The following CAMTA1 variants were observed in gnomAD, a reference collection of about 807,000 sequenced individuals.
The protein encoded by CAMTA1 is calmodulin-binding transcription activator 1.
In CAMTA1, 27 loss-of-function variants were observed where a neutral mutation model predicts 170.9. That is an observed-to-expected ratio of 0.16 (90% CI 0.12 to 0.22). The LOEUF is 0.22. Ranked by LOEUF, CAMTA1 falls within the 10% of genes least tolerant of loss-of-function variation. CAMTA1 has a pLI of 1.00. For missense variants in CAMTA1, 1,619 were observed against 2,217.2 expected (o/e 0.73, Z 5.42); for synonymous variants, 833 against 891.5 (o/e 0.93, Z 1.17).
chr1:6,840,301 G>A (rs1351367859), intron 3 of CAMTA1, among the ~76,000 whole-genome samples: 7 of 152,192 alleles, frequency 4.6e-5, no homozygotes, highest in Admixed American at 3.9e-4. Context: ...TATGTTCAAA[G>A]GCTTTCTTGG....
chr1:7,634,588 G>C lies in CAMTA1; in HGVS notation c.511-5812G>C, dbSNP rs1416095408. On this transcript the variant is annotated intron_variant, in intron 6 of 22. Transcript: ENST00000303635. The surrounding 1 kb of genome is among the most constrained non-coding windows in gnomAD (Gnocchi z 6.2). The stretch of plus-strand genomic sequence containing the variant: ...CTAAGGAGGGAGAGAGGGAAAGAGG[G>C]AGAAAGAGAGCGAGAGAGAGGGAGG... Among the ~76,000 whole-genome samples, 3 of 151,774 alleles carry C rather than the reference G, an allele frequency of 2.0e-5. No homozygotes were observed. Among genetic ancestry groups the C allele is most frequent in the Non-Finnish European group, 4.4e-5 (3 of 67,924 alleles).
chr1:7,299,674 G>C lies in CAMTA1; in HGVS notation c.438+50048G>C, dbSNP rs1674479754. 6.6e-6 allele frequency among the ~76,000 whole-genome samples: 1 copy of C among 152,192 alleles called. No individual in the cohort carries two copies. Among genetic ancestry groups the C allele is most frequent in the Non-Finnish European group, 1.5e-5 (1 of 68,038 alleles). ...CAGCAATGCCCCAACCCCACACAGA[G>C]ACACACGCCCAATCAGTGCCCTGTA... On this transcript the variant is annotated intron_variant, in intron 5 of 22. Coordinates refer to ENST00000303635, the MANE Select transcript of CAMTA1 (RefSeq NM_015215.4). The surrounding 1 kb of genome is among the most constrained non-coding windows in gnomAD (Gnocchi z 4.7).
chr1:7,156,315 C>T (rs1390540595), intron 4 of CAMTA1, among the ~76,000 whole-genome samples: 2 of 151,408 alleles, frequency 1.3e-5, no homozygotes, highest in African/African-American at 4.9e-5. Flanking sequence ...GGGTCTCTAT[C>T]TTCAAGGAAC....
intron 3 of CAMTA1, among the ~76,000 whole-genome samples, chr1:6,962,292 T>G (rs1242164670): frequency 6.6e-6 from 1 of 152,076 alleles, no homozygotes; most frequent in African/African-American, 2.4e-5. Context: ...AGCTGGTCCT[T>G]GCTGGGAGGC....
chr1:7,344,924 A>AT (rs1412820806), intron 5 of CAMTA1, among the ~76,000 whole-genome samples: 3 of 150,096 alleles, frequency 2.0e-5, no homozygotes, highest in Non-Finnish European at 3.0e-5. Context: ...TTTTTTTTGT[A>AT]TTTTTTTTAG....
chr1:7,237,153 G>T (rs994934276), intron 4 of CAMTA1, among the ~76,000 whole-genome samples: 6 of 152,226 alleles, frequency 3.9e-5, no homozygotes, highest in African/African-American at 1.4e-4. Flanking sequence ...GCTGGAAAAA[G>T]AGTTCTTTAG....
chr1:7,366,353 T>C (rs577476318), intron 5 of CAMTA1, among the ~76,000 whole-genome samples: 1 of 152,206 alleles, frequency 6.6e-6, no homozygotes, highest in African/African-American at 2.4e-5. Flanking sequence ...ATATTCCACA[T>C]GGACACAGGG....
chr1:7,381,622 C>T (rs2087338344), intron 5 of CAMTA1, among the ~76,000 whole-genome samples: 1 of 151,554 alleles, frequency 6.6e-6, no homozygotes, highest in South Asian at 2.1e-4. Flanking sequence ...CACATGTGTG[C>T]ATGTGTCTTT....
intron 10 of CAMTA1, among the ~76,000 whole-genome samples, chr1:7,677,369 G>A (rs375447291): frequency 3.3e-5 from 5 of 152,192 alleles, no homozygotes; most frequent in South Asian, 2.1e-4. Context: ...GGGCAGTTAC[G>A]TACCTGGGAG....
rs1659806754 is a variant in CAMTA1 at position 7,216,685 on chromosome 1, G to C, written c.303-32806G>C. Among the ~76,000 whole-genome samples, 1 of 151,834 alleles carries C rather than the reference G, an allele frequency of 6.6e-6. No individual in the cohort carries two copies. Among genetic ancestry groups the C allele is most frequent in the Non-Finnish European group, 1.5e-5 (1 of 67,924 alleles). The stretch of plus-strand genomic sequence containing the variant: ...ACCACCACGCCTGGCTAATTTTTGT[G>C]TTTTTAGTAGAGATAGGGTTTTGTC... On this transcript the variant is annotated intron_variant, in intron 4 of 22. Transcript: ENST00000303635. This position sits in a 1 kb window ranked among gnomAD's most constrained non-coding sequence, Gnocchi z 4.0.
chr1:7,297,717 C>G (rs1674170053), intron 5 of CAMTA1, among the ~76,000 whole-genome samples: 1 of 152,238 alleles, frequency 6.6e-6, no homozygotes, highest in Non-Finnish European at 1.5e-5. Flanking sequence ...CTCCTATAAT[C>G]TAGGCTGCTG....
rs1558255664 is a variant in CAMTA1, at chr1:7,736,497, G to T, written c.3220G>T (p.Ala1074Ser). 1.2e-6 allele frequency: 2 copies of T among 1,614,150 alleles called. No homozygotes were observed. The highest frequency in any genetic ancestry group is 2.2e-5 in the East Asian group (1 of 44,870). ...AATGACCCTACTCCACCTGGCCGCT[G>T]CCCAGGGCTATGCCACCCTAATCCA... ...RGMTLLHLAAAQGYATLIQTL... is the reference protein window; with the variant it reads ...RGMTLLHLAASQGYATLIQTL... The change falls in exon 13 of 23, where the codon GCC becomes TCC. Residue 1074 changes from alanine to serine, a missense_variant. Transcript: ENST00000303635. This position sits in a 1 kb window ranked among gnomAD's most constrained non-coding sequence, Gnocchi z 4.5.
chr1:6,972,673 C>G (rs1692750101), intron 3 of CAMTA1, among the ~76,000 whole-genome samples: 5 of 152,184 alleles, frequency 3.3e-5, no homozygotes, highest in Admixed American at 2.6e-4. Flanking sequence ...TTAGAGGGGC[C>G]AAAGCCTGAA....
chr1:6,952,265 C>A (rs747822369), intron 3 of CAMTA1, among the ~76,000 whole-genome samples: 2 of 151,066 alleles, frequency 1.3e-5, no homozygotes, highest in South Asian at 2.1e-4. Flanking sequence ...CCTGTCTCTA[C>A]TAAAAATACA....
At chr1:7,591,528 A>G (rs954783747) in intron 6 of CAMTA1, among the ~76,000 whole-genome samples, 2 of 152,206 alleles carry the variant, frequency 1.3e-5, no homozygotes, top group Non-Finnish European at 2.9e-5. Flanking sequence ...GAATAATTAA[A>G]ACTTCTAATC....
intron 5 of CAMTA1, among the ~76,000 whole-genome samples, chr1:7,305,417 T>C (rs1675437674): frequency 6.6e-6 from 1 of 151,814 alleles, no homozygotes; most frequent in Admixed American, 6.6e-5. Flanking sequence ...CCCCAGCTGG[T>C]ATTTTTACTG....
intron 6 of CAMTA1, among the ~76,000 whole-genome samples, chr1:7,617,412 G>T (rs1285265169): frequency 6.6e-6 from 1 of 152,178 alleles, no homozygotes; most frequent in Non-Finnish European, 1.5e-5. Flanking sequence ...ACAACCCTCT[G>T]CCTGAAATGG....
In CAMTA1 at chr1:7,663,942, C is replaced by G. The variant is rs765546589; in HGVS notation, c.1395C>G (p.Val465=). 6.8e-6 allele frequency: 11 copies of G among 1,613,840 alleles called. No homozygotes were observed. The South Asian group carries it at 8.8e-5, about 13-fold the overall frequency. ...MLPTNVSEEL[V]LSTTLDGGRK... ...CCACCAACGTGTCCGAAGAGCTGGT[C>G]CTCTCCACCACCCTCGACGGTGGCC... is the stretch of plus-strand genomic sequence containing the variant. Residue 465 remains valine, a synonymous_variant, in exon 9 of 23, where the codon GTC becomes GTG. Transcript: ENST00000303635.
intron 3 of CAMTA1, among the ~76,000 whole-genome samples, chr1:7,068,090 T>C (rs1301068178): frequency 2.0e-5 from 3 of 152,176 alleles, no homozygotes; most frequent in Admixed American, 2.0e-4. Context: ...TCTTGTGACA[T>C]GAGATGGTAC....
Sources: allele counts gnomAD v4.1 joint callset (sites outside exome capture counted in the v4.1 genomes callset), GRCh38; gene constraint gnomAD v4.1.1; non-coding constraint Gnocchi (gnomAD v3.1); transcripts MANE v1.5; gene names NCBI Gene and HGNC (gene_info 2026-07-23, HGNC 2026-07-21).